The following ZDHHC13 variants were observed in gnomAD, a reference collection of about 807,000 sequenced individuals.
The protein encoded by ZDHHC13 is palmitoyltransferase ZDHHC13.
ZDHHC13 carries 85 observed loss-of-function variants against 86.0 expected under a neutral mutation model. The ratio of observed to expected loss-of-function variants is 0.99; its 90% CI spans 0.83 to 1.18. The LOEUF (loss-of-function observed/expected upper bound fraction) is 1.18. ZDHHC13 is among the 50% of genes most tolerant of loss of function. The pLI, the probability that ZDHHC13 is intolerant of heterozygous loss-of-function variation, is 0.00. For missense variants in ZDHHC13, 711 were observed against 730.2 expected (o/e 0.97, Z 0.30); for synonymous variants, 263 against 246.4 (o/e 1.07, Z -0.63).
At chr11:19,124,298 A>C (rs1044547082) in intron 1 of ZDHHC13, among the ~76,000 whole-genome samples, 2 of 152,154 alleles carry the variant, frequency 1.3e-5, no homozygotes, top group African/African-American at 4.8e-5. Context: ...ATGATTAAAA[A>C]TGTGGATGTA....
Position 19,158,946 on chromosome 11 carries a change from G to T in ZDHHC13, c.1014G>T (p.Leu338Phe), listed in dbSNP as rs555930977. Residue 338 changes from leucine to phenylalanine, a missense_variant, in exon 10 of 17, where the codon TTG (leucine) becomes TTT (phenylalanine). Transcript: ENST00000446113. The stretch of plus-strand genomic sequence containing the variant: ...TTTATCTTTTTTCTTTTAGGTTCTT[G>T]GTTGGGTATAAGAACCTTGTATACT... ...FFLTSLFPRF[L>F]VGYKNLVYLP... 9 of 1,524,270 alleles carry T rather than the reference G, an allele frequency of 5.9e-6. No individual in the cohort carries two copies. Among genetic ancestry groups the T allele is most frequent in the Middle Eastern group, 2.1e-4 (1 of 4,748 alleles). The allele number at this position is 1,524,270 out of a possible 1,614,324, so 94.4% of individuals were successfully genotyped here. A position where few individuals can be genotyped will look rare whatever the true frequency, so the allele number is the denominator to read the frequency against.
At chr11:19,166,212 A>C in intron 13 of ZDHHC13, 90 bp from the exon 14 acceptor site, 1 of 1,010,426 alleles carries the variant, frequency 9.9e-7, no homozygotes. Context: ...TTTGGTGAAG[A>C]CTTTTGACAG....
At chr11:19,172,021 G>A (rs2133484456) in intron 15 of ZDHHC13, among the ~76,000 whole-genome samples, 1 of 152,184 alleles carries the variant, frequency 6.6e-6, no homozygotes, top group Non-Finnish European at 1.5e-5. Flanking sequence ...CTTTGAATCA[G>A]TTACTTCATC....
At chr11:19,146,484 T>A (rs1849471493) in intron 3 of ZDHHC13, among the ~76,000 whole-genome samples, 181 bp downstream of exon 3, 1 of 152,184 alleles carries the variant, frequency 6.6e-6, no homozygotes, top group Non-Finnish European at 1.5e-5. Flanking sequence ...AGACCATGCC[T>A]GGTTGATCCA....
chr11:19,122,550 T>C (rs1024819305), intron 1 of ZDHHC13, among the ~76,000 whole-genome samples: 1 of 151,914 alleles, frequency 6.6e-6, no homozygotes, highest in Non-Finnish European at 1.5e-5. Context: ...TGTAAAATGC[T>C]GAAGGTCCTA....
At chr11:19,167,980 A>G (rs1485195068) in intron 14 of ZDHHC13, 2 of 151,994 alleles carry the variant, frequency 1.3e-5, no homozygotes, top group Non-Finnish European at 2.9e-5. Flanking sequence ...TGCCCAGTTA[A>G]TTTTTAAATT....
intron 6 of ZDHHC13, among the ~76,000 whole-genome samples, chr11:19,151,148 A>G (rs1170354086): frequency 1.3e-5 from 2 of 152,080 alleles, no homozygotes; most frequent in East Asian, 3.8e-4. Context: ...ATAATTTGAA[A>G]TCTAAGTGAT....
chr11:19,145,345 C>G (rs4757760), intron 2 of ZDHHC13, among the ~76,000 whole-genome samples: 102,128 of 151,952 alleles, frequency 0.67, 34,822 homozygotes, highest in Admixed American at 0.76. Context: ...TCTCTAAATT[C>G]GTATTTCACT....
At chr11:19,124,647 A>G (rs1231578687) in intron 1 of ZDHHC13, among the ~76,000 whole-genome samples, 8 of 152,070 alleles carry the variant, frequency 5.3e-5, no homozygotes, top group Non-Finnish European at 8.8e-5. Flanking sequence ...CCTTCTTCCA[A>G]TTGAATATAA....
chr11:19,139,931 C>CTTAA (rs1849263062), intron 1 of ZDHHC13, among the ~76,000 whole-genome samples: 1 of 143,590 alleles, frequency 7.0e-6, no homozygotes, highest in Non-Finnish European at 1.5e-5. Context: ...GGATTAAAGA[C>CTTAA]TTAAACGTTA....
In ZDHHC13 at chr11:19,170,489, C is replaced by T; in HGVS notation, c.1553C>T (p.Pro518Leu). ...CTCAATCAGATTGTGGCCTGTTCCC[C>T]TTGGGTTTTATATATCTTGATGCTA... ...TYLNQIVACS[P>L]WVLYILMLAT... The change falls in exon 15 of 17, where the codon CCT becomes CTT. Residue 518 changes from proline (P) to leucine (L), a missense_variant. Pro to Leu is a moderately conservative substitution (Grantham distance 98, BLOSUM62 -3). Transcript: ENST00000446113. 1.3e-6 allele frequency: 2 copies of T among 1,536,102 alleles called. No homozygotes were observed. Among genetic ancestry groups the T allele is most frequent in the Non-Finnish European group, 1.8e-6 (2 of 1,142,788 alleles).
At chr11:19,165,376 T>C (rs1850033965) in intron 13 of ZDHHC13, among the ~76,000 whole-genome samples, 1 of 152,202 alleles carries the variant, frequency 6.6e-6, no homozygotes, top group East Asian at 1.9e-4. Context: ...ATTATCTCCA[T>C]ATTACTTGTA....
chr11:19,132,705 C>T (rs1373174332), intron 1 of ZDHHC13, among the ~76,000 whole-genome samples: 2 of 152,132 alleles, frequency 1.3e-5, no homozygotes, highest in Non-Finnish European at 1.5e-5. Flanking sequence ...CCTCTCAGTG[C>T]CCATGATTGC....
In ZDHHC13 at chr11:19,161,734, A is replaced by G. The variant is rs1287560639; in HGVS notation, c.1109-1569A>G. Among the ~76,000 whole-genome samples, 56 of 150,140 alleles carry G rather than the reference A, an allele frequency of 3.7e-4. 1 individual carries two copies. The highest frequency in any genetic ancestry group is 3.7e-3 in the Admixed American group (56 of 15,176). ...AGTTAAGTTTAAGAGGGATAAATAC[A>G]TGTAAAGTCCCATACTGAGTTTCAG... On this transcript the variant is annotated intron_variant, in intron 10 of 16. Coordinates refer to ENST00000446113, the MANE Select transcript of ZDHHC13 (RefSeq NM_019028.3).
At chr11:19,166,638 C>T (rs928165696) in intron 14 of ZDHHC13, 1 of 282,296 alleles carries the variant, frequency 3.5e-6, no homozygotes, top group Non-Finnish European at 6.5e-6. Context: ...TCATTTAAGG[C>T]AAGTGCAGAT....
At chr11:19,172,612 C>G (rs750838848) in intron 15 of ZDHHC13, 111 bp from the exon 16 acceptor site, 18 of 758,940 alleles carry the variant, frequency 2.4e-5, no homozygotes, top group Non-Finnish European at 3.5e-5. Flanking sequence ...CAAGGAGATA[C>G]TAAGGAGAAC....
At chr11:19,143,744 G>T (rs1428677713) in intron 2 of ZDHHC13, among the ~76,000 whole-genome samples, 1 of 152,148 alleles carries the variant, frequency 6.6e-6, no homozygotes, top group Admixed American at 6.5e-5. Flanking sequence ...CCATATGTGG[G>T]TATTTGCATT....
intron 4 of ZDHHC13, among the ~76,000 whole-genome samples, 157 bp from the exon 5 acceptor site, chr11:19,149,027 TAAA>T (rs1242868899): frequency 6.6e-6 from 1 of 152,168 alleles, no homozygotes. Context: ...GCATCTAAGT[TAAA>T]AACGTTTGGA....
intron 14 of ZDHHC13, chr11:19,168,894 T>C (rs1380789580): frequency 1.8e-5 from 18 of 985,172 alleles, no homozygotes; most frequent in South Asian, 4.7e-5. Context: ...GAAAGAAAGA[T>C]TGTAGATTAC....
Sources: gnomAD v4.1 joint callset for allele counts (sites outside exome capture counted in the v4.1 genomes callset) on GRCh38, gnomAD v4.1.1 for gene constraint, MANE v1.5 for transcripts, NCBI Gene and HGNC (gene_info 2026-07-23, HGNC 2026-07-21) for gene names.